Variants in SGCZ observed in about 807,000 individuals in gnomAD.
SGCZ encodes the protein sarcoglycan zeta.
Under a neutral mutation model 41.3 loss-of-function variants are expected in SGCZ, and 40 were observed. That is an observed-to-expected ratio of 0.97 (90% CI 0.75 to 1.26). The LOEUF (loss-of-function observed/expected upper bound fraction) is 1.26. SGCZ is among the 50% of genes most tolerant of loss of function. SGCZ has a pLI of 0.00. For missense variants in SGCZ, 552 were observed against 369.8 expected, an observed-to-expected ratio of 1.49 and a Z score of -4.04; for synonymous variants, 206 against 137.5, an observed-to-expected ratio of 1.50 and a Z score of -3.49.
chr8:14,109,562 A>G (rs1802312824), intron 5 of SGCZ, among the ~76,000 whole-genome samples: 1 of 152,186 alleles, frequency 6.6e-6, no homozygotes, highest in South Asian at 2.1e-4. Context: ...ATTTAAAAAT[A>G]TGTATTTGAA....
At chr8:14,151,893 G>T (rs745574665) in intron 5 of SGCZ, among the ~76,000 whole-genome samples, 15 of 151,662 alleles carry the variant, frequency 9.9e-5, no homozygotes. Context: ...ACAGAAAAAA[G>T]CAAAAAGATT....
intron 1 of SGCZ, among the ~76,000 whole-genome samples, chr8:14,932,651 T>C (rs1267577667): frequency 1.3e-5 from 2 of 151,978 alleles, no homozygotes; most frequent in Non-Finnish European, 2.9e-5. Flanking sequence ...AAAATAAATG[T>C]GTAAAGTGCT....
At chr8:14,126,734 C>G (rs550483760) in intron 5 of SGCZ, among the ~76,000 whole-genome samples, 2 of 152,200 alleles carry the variant, frequency 1.3e-5, no homozygotes, top group East Asian at 1.9e-4. Context: ...GGAACCAACC[C>G]AAATGCCCAT....
chr8:14,547,715 G>C (rs1000074362), intron 2 of SGCZ, among the ~76,000 whole-genome samples: 1 of 152,110 alleles, frequency 6.6e-6, no homozygotes, highest in Non-Finnish European at 1.5e-5. Flanking sequence ...AAGCACCGAA[G>C]CCAGAGAAGT....
At chr8:14,510,323 A>G (rs1014607250) in intron 2 of SGCZ, among the ~76,000 whole-genome samples, 1 of 152,074 alleles carries the variant, frequency 6.6e-6, no homozygotes, top group Non-Finnish European at 1.5e-5. Context: ...TACTAGCTAG[A>G]TAGGTTCTCA....
At position 14,233,533 on chromosome 8, in the gene SGCZ, G is replaced by A. The variant is rs988417364; in HGVS notation, c.424+4059C>T. On this transcript the variant is annotated intron_variant, in intron 4 of 7. Transcript: ENST00000382080. ...ATTAGTAGCGTTGTAAACAAAGTCT[G>A]TATAAAAACTGCATAATACTTTATT... Among the ~76,000 whole-genome samples, 5 of 149,060 alleles carry A rather than the reference G, an allele frequency of 3.4e-5. No homozygotes were observed. In the Admixed American group the frequency reaches 3.4e-4, roughly 10 times the overall value.
chr8:14,811,238 T>C (rs1801728959), intron 1 of SGCZ, among the ~76,000 whole-genome samples: 1 of 152,006 alleles, frequency 6.6e-6, no homozygotes, highest in East Asian at 1.9e-4. Flanking sequence ...TTAGTGTCCT[T>C]ATAATAAATA....
At chr8:14,215,565 T>G (rs1805965140) in intron 4 of SGCZ, among the ~76,000 whole-genome samples, 1 of 151,844 alleles carries the variant, frequency 6.6e-6, no homozygotes, top group South Asian at 2.1e-4. Flanking sequence ...ATACAAAAGC[T>G]AATTGTTTGA....
At chr8:14,676,163 T>G (rs1042580565) in intron 1 of SGCZ, among the ~76,000 whole-genome samples, 1 of 152,222 alleles carries the variant, frequency 6.6e-6, no homozygotes, top group Non-Finnish European at 1.5e-5. Context: ...GATATAATGT[T>G]GAACCTAGAC....
intron 1 of SGCZ, among the ~76,000 whole-genome samples, chr8:15,204,877 G>T (rs1801010975): frequency 6.6e-6 from 1 of 152,110 alleles, no homozygotes; most frequent in African/African-American, 2.4e-5. Context: ...ATACGATTCA[G>T]TGCCAAATCC....
chr8:14,480,109 C>G (rs994366676), intron 2 of SGCZ, among the ~76,000 whole-genome samples: 15 of 152,318 alleles, frequency 9.8e-5, no homozygotes, highest in African/African-American at 3.1e-4. Flanking sequence ...ATCCCATTCT[C>G]TCTTGAACCT....
Position 14,087,718 on chromosome 8 carries a change from A to ATTTTT in SGCZ, c.*2724_*2725insAAAAA, listed in dbSNP as rs1276827313. Among the ~76,000 whole-genome samples the ATTTTT allele has an allele frequency of 1.1e-4, 17 of 149,140 alleles. No homozygotes were observed. The highest frequency in any genetic ancestry group is 4.3e-4 in the African/African-American group (17 of 39,100). On this transcript the variant is annotated 3_prime_UTR_variant, in exon 8 of 8. Coordinates refer to ENST00000382080, the MANE Select transcript of SGCZ (RefSeq NM_139167.4). ...ATTAAGGGACCACTATATTTTTAAA[A>ATTTTT]AAAAAAAAATGCTTTTTTGTGTTTG...
intron 3 of SGCZ, among the ~76,000 whole-genome samples, chr8:14,322,291 G>A (rs745347493): frequency 2.6e-5 from 4 of 152,064 alleles, no homozygotes; most frequent in Admixed American, 6.6e-5. Flanking sequence ...GACACAGGAA[G>A]GACCAGCATC....
chr8:14,249,423 T>G (rs1461621722), intron 3 of SGCZ, among the ~76,000 whole-genome samples: 1 of 152,100 alleles, frequency 6.6e-6, no homozygotes, highest in African/African-American at 2.4e-5. Context: ...ATAAATCTCT[T>G]TATTTATTGG....
chr8:14,355,520 C>CT (rs1446592436), intron 2 of SGCZ, among the ~76,000 whole-genome samples: 1 of 151,968 alleles, frequency 6.6e-6, no homozygotes, highest in Non-Finnish European at 1.5e-5. Flanking sequence ...TAAAAATTCA[C>CT]TTAATCTGAC....
At chr8:15,217,895 C>T (rs73535895) in intron 1 of SGCZ, among the ~76,000 whole-genome samples, 4,271 of 152,144 alleles carry the variant, frequency 0.028, 199 homozygotes, top group African/African-American at 0.096. Context: ...AGAGACCAGG[C>T]TGGCCAAATG....
intron 2 of SGCZ, among the ~76,000 whole-genome samples, chr8:14,481,486 A>C (rs977670900): frequency 6.6e-6 from 1 of 152,214 alleles, no homozygotes; most frequent in African/African-American, 2.4e-5. Context: ...AATAATTTTT[A>C]TCAATCTCAC....
chr8:14,277,069 C>A (rs950709952), intron 3 of SGCZ, among the ~76,000 whole-genome samples: 7 of 152,080 alleles, frequency 4.6e-5, no homozygotes, highest in Non-Finnish European at 1.0e-4. Flanking sequence ...GCTATTTGTC[C>A]AATTCTTTGT....
intron 1 of SGCZ, among the ~76,000 whole-genome samples, chr8:14,957,244 A>T (rs1381025647): frequency 1.3e-5 from 2 of 152,140 alleles, no homozygotes; most frequent in Non-Finnish European, 2.9e-5. Context: ...ATGAATATGT[A>T]TTAACATATG....
Sources: allele counts gnomAD v4.1 joint callset (sites outside exome capture counted in the v4.1 genomes callset), GRCh38; gene constraint gnomAD v4.1.1; transcripts MANE v1.5; gene names NCBI Gene and HGNC (gene_info 2026-07-23, HGNC 2026-07-21).